The following ADARB1 variants were observed in gnomAD, a reference collection of about 807,000 sequenced individuals.
ADARB1 encodes the protein adenosine deaminase RNA specific B1.
A neutral mutation model predicts 52.4 loss-of-function variants in ADARB1; 10 were observed. That is an observed-to-expected ratio of 0.19 (90% CI 0.12 to 0.32). The LOEUF (loss-of-function observed/expected upper bound fraction) is 0.32. Among genes scored for constraint, ADARB1 ranks in the 10% least tolerant of loss-of-function variants. The pLI is 1.00. For synonymous variants in ADARB1, 349 were observed against 371.1 expected, an observed-to-expected ratio of 0.94 and a Z score of 0.68; for missense variants, 643 against 922.3, an observed-to-expected ratio of 0.70 and a Z score of 3.92.
intron 2 of ADARB1, among the ~76,000 whole-genome samples, chr21:45,156,487 TCATC>T (rs1240682005): frequency 1.0e-5 from 1 of 100,118 alleles, no homozygotes; most frequent in Non-Finnish European, 2.0e-5. Context: ...CATCATCCAT[TCATC>T]CATCCACCCA....
chr21:45,136,388 G>GA (rs2089373946), intron 2 of ADARB1, among the ~76,000 whole-genome samples: 1 of 152,232 alleles, frequency 6.6e-6, no homozygotes, highest in African/African-American at 2.4e-5. Flanking sequence ...AGATGACAGG[G>GA]AAGAACTACA....
chr21:45,146,058 CCG>C (rs1450151164), intron 2 of ADARB1: 3 of 148,778 alleles, frequency 2.0e-5, no homozygotes, highest in Admixed American at 1.3e-4. Context: ...CTCACCTGAT[CCG>C]TTCTGCCGGG....
intron 2 of ADARB1, among the ~76,000 whole-genome samples, chr21:45,156,335 CCCATCAT>C (rs2090623483): frequency 8.1e-6 from 1 of 123,438 alleles, no homozygotes; most frequent in Non-Finnish European, 1.7e-5. Context: ...TCACCCATCA[CCCATCAT>C]CCATCTATCC....
Position 45,221,888 on chromosome 21 carries a change from G to A in ADARB1, c.1927-130G>A, listed in dbSNP as rs543743757. 1.3e-5 allele frequency: 12 copies of A among 958,242 alleles called. No homozygotes were observed. In the East Asian group the frequency reaches 1.6e-4, roughly 13 times the overall value. The allele number at this position is 958,242 out of a possible 1,614,324, so 59.4% of individuals were successfully genotyped here. On this transcript the variant is annotated intron_variant, in intron 10 of 10. Transcript: ENST00000348831. This position sits in a 1 kb window ranked among gnomAD's most constrained non-coding sequence, Gnocchi z 4.9. ...TGAAGCCGTTCCCTTGGCAGAAGGCGCCTTCCTCTGGGTTGCTTTCCCCCC... is the reference window on the plus strand; with the variant it reads ...TGAAGCCGTTCCCTTGGCAGAAGGCACCTTCCTCTGGGTTGCTTTCCCCCC...
Position 45,157,635 on chromosome 21 carries a change from A to T in ADARB1, c.-47-13975A>T, listed in dbSNP as rs1191868441. ...CTTAGGCATGCCTGACTGAGGCGGG[A>T]AACAAGCGTGTGGATCAGTGTGGCT... On this transcript the variant is annotated intron_variant, in intron 2 of 10. Coordinates refer to ENST00000348831, the MANE Select transcript of ADARB1 (RefSeq NM_001112.4). The surrounding 1 kb of genome is among the most constrained non-coding windows in gnomAD (Gnocchi z 4.1). Among the ~76,000 whole-genome samples the T allele has an allele frequency of 6.6e-6, 1 of 152,166 alleles. No individual in the cohort carries two copies. The highest frequency in any genetic ancestry group is 2.4e-5 in the African/African-American group (1 of 41,432).
intron 1 of ADARB1, among the ~76,000 whole-genome samples, chr21:45,083,280 G>A (rs915548097): frequency 7.9e-5 from 12 of 152,138 alleles, no homozygotes; most frequent in South Asian, 4.1e-4. Context: ...TTCTGAAAAC[G>A]TATGCTTTTG....
intron 8 of ADARB1, among the ~76,000 whole-genome samples, chr21:45,196,522 A>G (rs2092429856): frequency 6.6e-6 from 1 of 152,244 alleles, no homozygotes; most frequent in Non-Finnish European, 1.5e-5. Flanking sequence ...TACTTCTTTC[A>G]AAAAGCACTG....
Position 45,225,828 on chromosome 21 carries a change from G to A in ADARB1, c.*3631G>A, listed in dbSNP as rs2093051144. 1 of 366,844 alleles carries A rather than the reference G, an allele frequency of 2.7e-6. No individual in the cohort carries two copies. The highest frequency in any genetic ancestry group is 4.9e-6 in the Non-Finnish European group (1 of 206,108). The allele number at this position is 366,844 out of a possible 1,614,324, so 22.7% of individuals were successfully genotyped here. The stretch of plus-strand genomic sequence containing the variant: ...CATCCCCACGCTGTGTAAGTGGAAA[G>A]GGCATTGTGTTCCGTGTGTGTCCAG... On this transcript the variant is annotated 3_prime_UTR_variant, in exon 11 of 11. Coordinates refer to ENST00000348831, the MANE Select transcript of ADARB1 (RefSeq NM_001112.4).
intron 3 of ADARB1, 121 bp from the exon 4 acceptor site, chr21:45,175,609 T>G (rs1314785634): frequency 3.0e-6 from 3 of 1,007,174 alleles, no homozygotes; most frequent in Non-Finnish European, 4.4e-6. Context: ...CATCAAGGAA[T>G]AAAATTTATA....
chr21:45,191,874 ATATATATTTTTTTTTTTTTT>A (rs1228841875), intron 8 of ADARB1, among the ~76,000 whole-genome samples: 402 of 21,732 alleles, frequency 0.018, no homozygotes, highest in Middle Eastern at 0.036. Flanking sequence ...ATATATATAT[ATATATATTTTTTTTTTTTTT>A]TTTTTTTTTT....
chr21:45,173,846 G>A (rs1486361271), intron 3 of ADARB1, among the ~76,000 whole-genome samples: 1 of 151,644 alleles, frequency 6.6e-6, no homozygotes, highest in Non-Finnish European at 1.5e-5. Flanking sequence ...TGGGAGAAGT[G>A]GTGTGTGTGT....
intron 8 of ADARB1, among the ~76,000 whole-genome samples, chr21:45,186,676 T>C (rs9975298): frequency 0.018 from 2,698 of 152,368 alleles, 85 homozygotes; most frequent in African/African-American, 0.061. Context: ...TGTCTGTTAA[T>C]ATCATTTGTT....
intron 2 of ADARB1, among the ~76,000 whole-genome samples, chr21:45,130,154 C>T (rs576801233): frequency 2.0e-5 from 3 of 152,254 alleles, no homozygotes; most frequent in South Asian, 2.1e-4. Flanking sequence ...CTGAAAGAGA[C>T]GTTGTGGTTT....
At chr21:45,099,816 C>T (rs1314044345) in intron 1 of ADARB1, among the ~76,000 whole-genome samples, 1 of 152,156 alleles carries the variant, frequency 6.6e-6, no homozygotes, top group Non-Finnish European at 1.5e-5. Flanking sequence ...GGAGTGCTCT[C>T]TTGGGCTGGC....
chr21:45,074,980 T>G (rs2085857230), intron 1 of ADARB1, among the ~76,000 whole-genome samples, 187 bp downstream of exon 1: 1 of 150,490 alleles, frequency 6.6e-6, no homozygotes, highest in South Asian at 2.1e-4. Flanking sequence ...CCCTCCTGGG[T>G]CGCCCGTCTG....
chr21:45,185,038 G>C lies in ADARB1; in HGVS notation c.1512G>C (p.Gly504=), dbSNP rs1394511084. Residue 504 remains glycine (G), a synonymous_variant, in exon 8 of 11, where the codon GGG becomes GGC. Transcript: ENST00000348831. ...ATGCGAGCATCCAAACGTGGGACGG[G>C]GTGCTGCAAGGGGAGCGGCTGCTCA... ...RSNASIQTWD[G]VLQGERLLTM... 1 of 1,614,078 alleles carries C rather than the reference G, an allele frequency of 6.2e-7. No individual in the cohort carries two copies. Among genetic ancestry groups the C allele is most frequent in the Admixed American group, 1.7e-5 (1 of 60,008 alleles).
intron 1 of ADARB1, among the ~76,000 whole-genome samples, chr21:45,119,115 G>A (rs992853705): frequency 2.0e-5 from 3 of 151,986 alleles, no homozygotes; most frequent in African/African-American, 7.3e-5. Flanking sequence ...TTAGAGGCAG[G>A]GTCTCGCTCT....
At chr21:45,217,614 C>A (rs1474488038) in intron 9 of ADARB1, among the ~76,000 whole-genome samples, 2 of 151,830 alleles carry the variant, frequency 1.3e-5, no homozygotes, top group Non-Finnish European at 2.9e-5. Context: ...AAGAAAAAAA[C>A]CTCTTGTATA....
At position 45,225,201 on chromosome 21, in the gene ADARB1, C is replaced by A. The variant is rs537519850; in HGVS notation, c.*3004C>A. 31 of 1,057,520 alleles carry A rather than the reference C, an allele frequency of 2.9e-5. No individual in the cohort carries two copies. Among genetic ancestry groups the A allele is most frequent in the Admixed American group, 5.4e-5 (1 of 18,408 alleles). The allele number at this position is 1,057,520 out of a possible 1,614,324, so 65.5% of individuals were successfully genotyped here. ...TGCTAGTGGGAGGTCTCAGGTGGGG[C>A]GGTGTGTTCTGTGCCATGAGGCAGC... is the stretch of plus-strand genomic sequence containing the variant. On this transcript the variant is annotated 3_prime_UTR_variant, in exon 11 of 11. Transcript: ENST00000348831.
Sources: gnomAD v4.1 joint callset for allele counts (sites outside exome capture counted in the v4.1 genomes callset) on GRCh38, gnomAD v4.1.1 for gene constraint, Gnocchi (gnomAD v3.1) non-coding constraint, MANE v1.5 for transcripts, NCBI Gene and HGNC (gene_info 2026-07-23, HGNC 2026-07-21) for gene names.